Variants in PRH1 observed in about 807,000 individuals in gnomAD.
PRH1 encodes salivary acidic proline-rich phosphoprotein 1/2.
A neutral mutation model predicts 7.9 loss-of-function variants in PRH1; 7 were observed. That is an observed-to-expected ratio of 0.89 (90% CI 0.50 to 1.67). PRH1 has a LOEUF of 1.67. Ranked by LOEUF, PRH1 falls within the 40% of genes most tolerant of loss-of-function variation. The pLI is 0.00. For missense variants in PRH1, 109 were observed against 223.6 expected, an observed-to-expected ratio of 0.49 and a Z score of 3.27; for synonymous variants, 45 against 80.8, an observed-to-expected ratio of 0.56 and a Z score of 2.38.
intron 1 of PRH1, chr12:11,031,071 C>A: frequency 6.2e-7 from 1 of 1,614,288 alleles, no homozygotes; most frequent in Non-Finnish European, 8.5e-7. Flanking sequence ...CCGGTTACTG[C>A]CCAGACATTA....
chr12:11,169,772 G>A (rs1947758344), intron 1 of PRH1, among the ~76,000 whole-genome samples: 5 of 152,152 alleles, frequency 3.3e-5, no homozygotes, highest in Admixed American at 2.6e-4. Context: ...TCGCTCTTCA[G>A]TCTCTATACC....
intron 1 of PRH1, among the ~76,000 whole-genome samples, chr12:11,084,611 A>C (rs72477440): frequency 0.25 from 14,241 of 55,998 alleles, 966 homozygotes; most frequent in East Asian, 0.38. Context: ...TAACATCAGA[A>C]TAATTTTTAC....
At chr12:11,048,979 G>T (rs1349102568), upstream of PRH1, 13 of 285,742 alleles carry the variant, frequency 4.5e-5, no homozygotes, top group Non-Finnish European at 2.1e-5. Flanking sequence ...ATGCTGAAAT[G>T]CTTGGTTATT....
intron 2 of PRH1, among the ~76,000 whole-genome samples, chr12:10,961,060 G>C (rs1938215045): frequency 6.6e-6 from 1 of 152,122 alleles, no homozygotes; most frequent in Non-Finnish European, 1.5e-5. Context: ...CAGCTATAGG[G>C]TCTGGCCTAA....
downstream of PRH1, among the ~76,000 whole-genome samples, chr12:11,116,218 C>A (rs150915171): frequency 1.3e-5 from 2 of 151,866 alleles, no homozygotes; most frequent in African/African-American, 4.8e-5. Context: ...ACAACTGATA[C>A]CACTGAAATT....
At chr12:10,946,016 T>C (rs1398180366) in intron 2 of PRH1, among the ~76,000 whole-genome samples, 2 of 152,198 alleles carry the variant, frequency 1.3e-5, no homozygotes, top group African/African-American at 2.4e-5. Flanking sequence ...TTTTTCAAGG[T>C]GCCCAGATTT....
Position 10,912,005 on chromosome 12 carries a change from G to T in PRH1, c.-58-27730C>A, listed in dbSNP as rs560229843. 3.3e-5 allele frequency among the ~76,000 whole-genome samples: 5 copies of T among 152,146 alleles called. No individual in the cohort carries two copies. In the South Asian group the frequency reaches 1.0e-3, roughly 32 times the overall value. On this transcript the variant is annotated intron_variant, in intron 2 of 3. Transcript: ENST00000539853. ...CCTAAGCACTAGCTTGGTTTTGCCT[G>T]GTTTTGGATTGCACATGAATGGAAT...
chr12:10,928,643 G>A (rs1378659089), intron 2 of PRH1, among the ~76,000 whole-genome samples: 2 of 152,230 alleles, frequency 1.3e-5, no homozygotes, highest in African/African-American at 4.8e-5. Context: ...CCTGTAGCAT[G>A]AGGAGGCTGC....
chr12:10,915,465 G>C lies in PRH1; in HGVS notation c.-58-31190C>G, dbSNP rs1949961077. Among the ~76,000 whole-genome samples, 2 of 45,246 alleles carry C rather than the reference G, an allele frequency of 4.4e-5. 1 individual carries two copies. The highest frequency in any genetic ancestry group is 1.6e-4 in the Non-Finnish European group (2 of 12,586). 29.7% of individuals were successfully genotyped at this position (45,246 alleles called of 152,430 possible). A position where few individuals can be genotyped will look rare whatever the true frequency, so the allele number is the denominator to read the frequency against. On this transcript the variant is annotated intron_variant, in intron 2 of 3. Coordinates refer to the PRH1 transcript ENST00000539853. ...TGTTTGCTTGTATGTGAAGCTGACAGGAATTAAGTAGACTAAAAAATTGAG... is the reference window on the plus strand; with the variant it reads ...TGTTTGCTTGTATGTGAAGCTGACACGAATTAAGTAGACTAAAAAATTGAG...
At chr12:10,941,040 A>G (rs114865778) in intron 2 of PRH1, among the ~76,000 whole-genome samples, 3,005 of 152,324 alleles carry the variant, frequency 0.02, 33 homozygotes, top group South Asian at 0.031. Context: ...TACTATCCAC[A>G]TAGAGACAAG....
intron 1 of PRH1, among the ~76,000 whole-genome samples, chr12:11,094,119 T>C (rs1158476138): frequency 9.0e-6 from 1 of 111,504 alleles, no homozygotes; most frequent in African/African-American, 3.0e-5. Context: ...CTGGCCAACA[T>C]GGTGAAACCC....
At chr12:10,963,844 A>G (rs1938372621) in intron 2 of PRH1, among the ~76,000 whole-genome samples, 1 of 152,228 alleles carries the variant, frequency 6.6e-6, no homozygotes, top group Admixed American at 6.5e-5. Flanking sequence ...ATAGTTTTCT[A>G]ACAATAATTG....
intron 2 of PRH1, among the ~76,000 whole-genome samples, chr12:10,911,484 G>C (rs1001745876): frequency 2.0e-5 from 3 of 152,168 alleles, no homozygotes; most frequent in African/African-American, 7.2e-5. Context: ...TTTTTCAGCA[G>C]TCTGAACTGA....
chr12:11,061,160 TG>T (rs749428138), intron 1 of PRH1, among the ~76,000 whole-genome samples: 2 of 108,302 alleles, frequency 1.8e-5, no homozygotes, highest in Non-Finnish European at 4.3e-5. Flanking sequence ...AATGTTCTTT[TG>T]TTTTTCATAC....
At chr12:11,067,371 C>T (rs1423847549) in intron 1 of PRH1, among the ~76,000 whole-genome samples, 1 of 152,124 alleles carries the variant, frequency 6.6e-6, no homozygotes, top group South Asian at 2.1e-4. Context: ...TAACCTCCAT[C>T]ATACTATAAT....
intron 1 of PRH1, among the ~76,000 whole-genome samples, chr12:11,131,269 G>A (rs531983647): frequency 6.0e-5 from 9 of 151,004 alleles, no homozygotes; most frequent in Admixed American, 2.7e-4. Context: ...GGAGTCAAGT[G>A]CATGCATCTG....
At chr12:10,963,555 A>G (rs1459947215) in intron 2 of PRH1, among the ~76,000 whole-genome samples, 1 of 152,186 alleles carries the variant, frequency 6.6e-6, no homozygotes, top group Admixed American at 6.5e-5. Flanking sequence ...GCAGTTTAGG[A>G]AAGAAACGGA....
chr12:11,048,916 G>T (rs1334030969), upstream of PRH1: 6 of 274,844 alleles, frequency 2.2e-5, no homozygotes, highest in African/African-American at 4.5e-5. Context: ...AATAAGGTTG[G>T]AGAAATTGGC....
At chr12:10,945,539 C>T (rs1197162826) in intron 2 of PRH1, among the ~76,000 whole-genome samples, 1 of 151,970 alleles carries the variant, frequency 6.6e-6, no homozygotes, top group Non-Finnish European at 1.5e-5. Context: ...ACATGCTTCA[C>T]TAGGTAATAA....
Sources: gnomAD v4.1 joint callset for allele counts (sites outside exome capture counted in the v4.1 genomes callset) on GRCh38, gnomAD v4.1.1 for gene constraint, MANE v1.5 for transcripts, NCBI Gene and HGNC (gene_info 2026-07-23, HGNC 2026-07-21) for gene names.